The following THSD4 variants were observed in gnomAD, a reference collection of about 807,000 sequenced individuals.
THSD4 encodes thrombospondin type 1 domain containing 4, also known as thrombospondin type-1 domain-containing protein 4.
A neutral mutation model predicts 119.0 loss-of-function variants in THSD4; 69 were observed. The observed-to-expected ratio is 0.58, with a 90% CI of 0.48 to 0.71. The LOEUF (loss-of-function observed/expected upper bound fraction) is 0.71, where lower values mean the gene tolerates loss of function less well. Among genes scored for constraint, THSD4 ranks in the 30% least tolerant of loss-of-function variants. The pLI, the probability that THSD4 is intolerant of heterozygous loss-of-function variation, is 0.00. For synonymous variants in THSD4, 524 were observed against 540.4 expected, an observed-to-expected ratio of 0.97 and a Z score of 0.42; for missense variants, 1,393 against 1,391.1, an observed-to-expected ratio of 1.00 and a Z score of -0.02.
At chr15:71,375,932 C>T (rs2046129934) in intron 6 of THSD4, among the ~76,000 whole-genome samples, 1 of 152,192 alleles carries the variant, frequency 6.6e-6, no homozygotes, top group Non-Finnish European at 1.5e-5. Flanking sequence ...ACTGACCTAG[C>T]ACTTTTCTAC....
At chr15:71,377,914 A>ACCCACAC in intron 6 of THSD4, among the ~76,000 whole-genome samples, 1 of 146,254 alleles carries the variant, frequency 6.8e-6, no homozygotes, top group Non-Finnish European at 1.5e-5. Context: ...ACACACACAC[A>ACCCACAC]ATTTCCTTCA....
chr15:71,541,858 A>G (rs1358475364), intron 7 of THSD4, among the ~76,000 whole-genome samples: 2 of 152,230 alleles, frequency 1.3e-5, no homozygotes, highest in Admixed American at 6.5e-5. Context: ...GCACAAGGAC[A>G]CATGGTATTT....
At chr15:71,407,816 A>G (rs1336191611) in intron 6 of THSD4, among the ~76,000 whole-genome samples, 1 of 152,100 alleles carries the variant, frequency 6.6e-6, no homozygotes, top group Non-Finnish European at 1.5e-5. Context: ...CATGTCCTAG[A>G]CCTCATCCCC....
intron 6 of THSD4, among the ~76,000 whole-genome samples, chr15:71,322,969 C>T (rs1367658450): frequency 6.6e-6 from 1 of 151,894 alleles, no homozygotes; most frequent in African/African-American, 2.4e-5. Context: ...TGGTAACACA[C>T]ACCTGTAGTC....
chr15:71,671,254 A>G (rs898655387), intron 8 of THSD4, among the ~76,000 whole-genome samples: 1 of 152,042 alleles, frequency 6.6e-6, no homozygotes, highest in African/African-American at 2.4e-5. Flanking sequence ...GCATTTTTTC[A>G]TGTGTCTGTT....
intron 7 of THSD4, among the ~76,000 whole-genome samples, chr15:71,575,138 G>A (rs986773779): frequency 6.6e-6 from 1 of 152,114 alleles, no homozygotes; most frequent in African/African-American, 2.4e-5. Flanking sequence ...TCAGCACTAG[G>A]CAAACCTAGA....
intron 7 of THSD4, among the ~76,000 whole-genome samples, chr15:71,638,852 G>T (rs1272863767): frequency 6.6e-6 from 1 of 152,146 alleles, no homozygotes; most frequent in African/African-American, 2.4e-5. Flanking sequence ...TTAATACAAT[G>T]GTTTTTCTCT....
intron 7 of THSD4, among the ~76,000 whole-genome samples, chr15:71,442,690 A>ATG (rs2047125854): frequency 8.7e-6 from 1 of 115,284 alleles, no homozygotes; most frequent in African/African-American, 3.1e-5. Context: ...ATATATATAT[A>ATG]TATATATATA....
intron 6 of THSD4, among the ~76,000 whole-genome samples, chr15:71,332,548 C>T (rs916542016): frequency 7.2e-5 from 11 of 152,156 alleles, no homozygotes; most frequent in African/African-American, 2.7e-4. Flanking sequence ...CTTCCCTTAA[C>T]AGGGAAGTCA....
At chr15:71,204,652 A>G (rs950106244) in intron 3 of THSD4, among the ~76,000 whole-genome samples, 5 of 152,086 alleles carry the variant, frequency 3.3e-5, no homozygotes, top group Admixed American at 2.0e-4. Flanking sequence ...CAGACTTGGG[A>G]CCAGCCTGCA....
chr15:71,780,541 GAA>G lies in THSD4; in HGVS notation c.*3176_*3177del. The G allele has an allele frequency of 6.6e-6, 2 of 304,970 alleles. No homozygotes were observed. Among genetic ancestry groups the G allele is most frequent in the Non-Finnish European group, 1.3e-5 (2 of 151,360 alleles). The allele number at this position is 304,970 out of a possible 1,614,324, so 18.9% of individuals were successfully genotyped here. A position where few individuals can be genotyped will look rare whatever the true frequency, so the allele number is the denominator to read the frequency against. On this transcript the variant is annotated 3_prime_UTR_variant, in exon 18 of 18. Transcript: ENST00000261862. The stretch of plus-strand genomic sequence containing the variant: ...AAAAAAACAAACAAAAACACCAAAA[GAA>G]AAAAAAAAGCCATTTAAAGCCAGCC...
chr15:71,609,851 CAA>C (rs369430349), intron 7 of THSD4, among the ~76,000 whole-genome samples: 6 of 115,574 alleles, frequency 5.2e-5, no homozygotes, highest in Non-Finnish European at 6.8e-5. Flanking sequence ...GACTCCGTCT[CAA>C]AAAAAAAAAA....
At chr15:71,707,325 TA>T (rs1170537376) in intron 8 of THSD4, among the ~76,000 whole-genome samples, 2 of 152,218 alleles carry the variant, frequency 1.3e-5, no homozygotes, top group African/African-American at 2.4e-5. Context: ...CCAACAAGGA[TA>T]AAGTTTGCTT....
At position 71,311,245 on chromosome 15, in the gene THSD4, A is replaced by T. The variant is rs758190666; in HGVS notation, c.1015+54530A>T. Among the ~76,000 whole-genome samples the T allele has an allele frequency of 2.6e-5, 4 of 152,344 alleles. No homozygotes were observed. The East Asian group carries it at 7.7e-4, about 29-fold the overall frequency. On this transcript the variant is annotated intron_variant, in intron 6 of 17. Transcript: ENST00000261862. Reference sequence around the variant, plus strand: ...GGACATAGACCTGCTGTTTGTTAACATAGATTTCCAGGGAGTTGTCATAGG... The same window carrying T: ...GGACATAGACCTGCTGTTTGTTAACTTAGATTTCCAGGGAGTTGTCATAGG...
At chr15:71,236,610 C>T (rs2044107706) in intron 4 of THSD4, among the ~76,000 whole-genome samples, 1 of 152,188 alleles carries the variant, frequency 6.6e-6, no homozygotes, top group African/African-American at 2.4e-5. Context: ...GGAGATTTTT[C>T]TCCCTTTGGC....
chr15:71,565,322 A>C (rs1316648454), intron 7 of THSD4, among the ~76,000 whole-genome samples: 1 of 152,174 alleles, frequency 6.6e-6, no homozygotes, highest in Non-Finnish European at 1.5e-5. Context: ...AAAAATCATA[A>C]GCGATAATTA....
Position 71,339,770 on chromosome 15 carries a change from C to CTT in THSD4, c.1016-71906_1016-71905dup, listed in dbSNP as rs919155517. ...CAGATAAGTGCTCAGTAAGTTTTAA[C>CTT]TTTTTTTTTTTTGAGATGGAGTCTT... On this transcript the variant is annotated intron_variant, in intron 6 of 17. Coordinates refer to ENST00000261862, the MANE Select transcript of THSD4 (RefSeq NM_024817.3). Among the ~76,000 whole-genome samples the CTT allele has an allele frequency of 1.6e-3, 238 of 146,854 alleles. 2 individuals carry two copies. The highest frequency in any genetic ancestry group is 6.9e-3 in the Middle Eastern group (2 of 290).
chr15:71,243,846 G>A (rs530638939), intron 5 of THSD4, among the ~76,000 whole-genome samples: 47 of 141,696 alleles, frequency 3.3e-4, no homozygotes, highest in African/African-American at 1.1e-3. Flanking sequence ...GCACAGTGGC[G>A]CGATCTTGTC....
intron 6 of THSD4, among the ~76,000 whole-genome samples, chr15:71,401,486 A>G (rs2046532086): frequency 6.6e-6 from 1 of 152,098 alleles, no homozygotes; most frequent in African/African-American, 2.4e-5. Context: ...CTATTCCTCA[A>G]CCATTTTAGC....
Sources: allele counts gnomAD v4.1 joint callset (sites outside exome capture counted in the v4.1 genomes callset), GRCh38; gene constraint gnomAD v4.1.1; transcripts MANE v1.5; gene names NCBI Gene and HGNC (gene_info 2026-07-23, HGNC 2026-07-21).